NUP35: variants seen among roughly 807,000 people sequenced by gnomAD.
NUP35 encodes the protein nucleoporin 35.
Under a neutral mutation model 41.5 loss-of-function variants are expected in NUP35, and 25 were observed. That is an observed-to-expected ratio of 0.60 (90% CI 0.44 to 0.84). The LOEUF (loss-of-function observed/expected upper bound fraction) is 0.84. NUP35 is among the 40% of genes least tolerant of loss of function. NUP35 has a pLI of 0.00. For missense variants in NUP35, 396 were observed against 396.6 expected (o/e 1.00, Z 0.01); for synonymous variants, 149 against 130.7 (o/e 1.14, Z -0.96).
intron 4 of NUP35, among the ~76,000 whole-genome samples, chr2:183,148,034 A>C (rs937491417): frequency 6.6e-6 from 1 of 151,628 alleles, no homozygotes; most frequent in Non-Finnish European, 1.5e-5. Context: ...TTTTTTAAGC[A>C]CTCGCTTATG....
At chr2:183,147,625 C>A (rs1030093132) in intron 4 of NUP35, among the ~76,000 whole-genome samples, 1 of 152,086 alleles carries the variant, frequency 6.6e-6, no homozygotes, top group Non-Finnish European at 1.5e-5. Context: ...ATGCTGCTGG[C>A]TTTGTTCTTT....
chr2:183,137,457 C>T (rs924304898), intron 4 of NUP35, among the ~76,000 whole-genome samples: 1 of 152,014 alleles, frequency 6.6e-6, no homozygotes, highest in Non-Finnish European at 1.5e-5. Flanking sequence ...TGGTGGCACA[C>T]ACCTGTAGTC....
chr2:183,152,674 A>G (rs1685511928), intron 5 of NUP35, among the ~76,000 whole-genome samples: 1 of 152,144 alleles, frequency 6.6e-6, no homozygotes, highest in Non-Finnish European at 1.5e-5. Context: ...TTGTATGTAT[A>G]TATATCTATC....
intron 8 of NUP35, chr2:183,160,504 C>T (rs1464523923): frequency 6.6e-6 from 1 of 152,130 alleles, no homozygotes; most frequent in Non-Finnish European, 1.5e-5. Flanking sequence ...TCTCCTGCCT[C>T]AGCCTCCTGA....
At chr2:183,141,740 T>G (rs1685104428) in intron 4 of NUP35, among the ~76,000 whole-genome samples, 1 of 152,240 alleles carries the variant, frequency 6.6e-6, no homozygotes. Flanking sequence ...TTTAGTATAC[T>G]CACTTTTCAA....
chr2:183,135,461 A>T (rs1684843228), intron 4 of NUP35, among the ~76,000 whole-genome samples: 1 of 152,192 alleles, frequency 6.6e-6, no homozygotes. Flanking sequence ...GATGTATTAC[A>T]TGGCCCTGTA....
At position 183,158,358 on chromosome 2, in the gene NUP35, G is replaced by T. The variant is rs754881500; in HGVS notation, c.685G>T (p.Gly229Trp). The change falls in exon 7 of 9, where the codon GGG becomes TGG. Residue 229 changes from glycine to tryptophan, a missense_variant. Transcript: ENST00000295119. ...LQARKALSKDGRIFGESIMIG... is the reference protein window; with the variant it reads ...LQARKALSKDWRIFGESIMIG... Reference sequence around the variant, plus strand: ...GGCTCGGAAAGCCTTAAGCAAAGATGGGAGGATTTTTGGAGAATCCATCAT... The same window carrying T: ...GGCTCGGAAAGCCTTAAGCAAAGATTGGAGGATTTTTGGAGAATCCATCAT... 1 of 1,609,154 alleles carries T rather than the reference G, an allele frequency of 6.2e-7. No homozygotes were observed. Among genetic ancestry groups the T allele is most frequent in the Non-Finnish European group, 8.5e-7 (1 of 1,176,848 alleles).
chr2:183,132,282 A>G (rs532499306), intron 3 of NUP35, among the ~76,000 whole-genome samples: 51 of 152,146 alleles, frequency 3.4e-4, no homozygotes, highest in African/African-American at 1.2e-3. Context: ...TTGGCCTTCA[A>G]AAGTGCTGGG....
intron 4 of NUP35, among the ~76,000 whole-genome samples, chr2:183,143,532 G>A: frequency 6.6e-6 from 1 of 152,118 alleles, no homozygotes; most frequent in East Asian, 1.9e-4. Context: ...TTTTCAATGT[G>A]CAGATTTTCA....
At chr2:183,145,102 G>A (rs1289059100) in intron 4 of NUP35, among the ~76,000 whole-genome samples, 1 of 152,114 alleles carries the variant, frequency 6.6e-6, no homozygotes, top group African/African-American at 2.4e-5. Context: ...TTAATGGAAT[G>A]TCTTTGTAGT....
intron 4 of NUP35, among the ~76,000 whole-genome samples, chr2:183,138,606 A>G (rs1264013838): frequency 1.3e-5 from 2 of 152,092 alleles, no homozygotes; most frequent in Non-Finnish European, 2.9e-5. Flanking sequence ...GGTAAAGAAC[A>G]TTGAATGTGT....
chr2:183,125,240 T>C (rs1684409409), intron 1 of NUP35, among the ~76,000 whole-genome samples: 1 of 150,006 alleles, frequency 6.7e-6, no homozygotes, highest in Admixed American at 6.6e-5. Flanking sequence ...TATGTCGTCT[T>C]TGAAAAAAAT....
At chr2:183,129,261 A>G (rs1213738921) in intron 2 of NUP35, among the ~76,000 whole-genome samples, 3 of 152,212 alleles carry the variant, frequency 2.0e-5, no homozygotes, top group Admixed American at 2.0e-4. Flanking sequence ...GTCAGGGCAA[A>G]GTATTGTAAA....
chr2:183,126,491 T>C (rs2254877), intron 1 of NUP35, among the ~76,000 whole-genome samples: 28,677 of 152,148 alleles, frequency 0.19, 3,626 homozygotes, highest in African/African-American at 0.34. Flanking sequence ...TGCTTTTGTT[T>C]AGACTTTTGG....
At chr2:183,119,386 G>A (rs1359919872) in intron 1 of NUP35, among the ~76,000 whole-genome samples, 1 of 152,146 alleles carries the variant, frequency 6.6e-6, no homozygotes, top group Non-Finnish European at 1.5e-5. Context: ...GGGCTGAAAA[G>A]AAAACTTACA....
rs1044476270 is a variant in NUP35, at chr2:183,156,411, C to T, written c.540-1033C>T. ...CTGGAGTGCAGTGGCACGATCTTGG[C>T]GCATTGCAACCTTTCCTTCCCAGGT... On this transcript the variant is annotated intron_variant, in intron 5 of 8. Coordinates refer to ENST00000295119, the MANE Select transcript of NUP35 (RefSeq NM_138285.5). 5.3e-5 allele frequency among the ~76,000 whole-genome samples: 8 copies of T among 152,314 alleles called. No homozygotes were observed. The East Asian group carries it at 5.8e-4, about 11-fold the overall frequency.
chr2:183,140,253 G>C (rs1004560372), intron 4 of NUP35, among the ~76,000 whole-genome samples: 2 of 151,850 alleles, frequency 1.3e-5, no homozygotes, highest in African/African-American at 4.8e-5. Context: ...TCTTTTCTAA[G>C]TTGTAGAGGC....
intron 4 of NUP35, among the ~76,000 whole-genome samples, chr2:183,138,206 A>T (rs1684949458): frequency 2.0e-5 from 3 of 149,084 alleles, no homozygotes; most frequent in South Asian, 4.2e-4. Flanking sequence ...GAGAATTGAC[A>T]GGAAAATTGA....
intron 4 of NUP35, among the ~76,000 whole-genome samples, chr2:183,141,495 T>C (rs1196080531): frequency 6.6e-6 from 1 of 152,216 alleles, no homozygotes; most frequent in Non-Finnish European, 1.5e-5. Context: ...TATTGTATTT[T>C]CCCCTCATAT....
Sources: allele counts gnomAD v4.1 joint callset (sites outside exome capture counted in the v4.1 genomes callset), GRCh38; gene constraint gnomAD v4.1.1; transcripts MANE v1.5; gene names NCBI Gene and HGNC (gene_info 2026-07-23, HGNC 2026-07-21).